PCDH9: variants seen among roughly 807,000 people sequenced by gnomAD.
The protein encoded by PCDH9 is protocadherin 9, also known as protocadherin-9.
In PCDH9, 24 loss-of-function variants were observed where a neutral mutation model predicts 70.6. The observed-to-expected ratio is 0.34, with a 90% CI of 0.25 to 0.48. PCDH9 has a LOEUF of 0.48. Among genes scored for constraint, PCDH9 ranks in the 20% least tolerant of loss-of-function variants. The pLI is 0.99. For synonymous variants in PCDH9, 562 were observed against 558.5 expected (o/e 1.01, Z -0.09); for missense variants, 1,281 against 1,503.6 (o/e 0.85, Z 2.45).
At chr13:66,352,263 C>G (rs928264400) in intron 4 of PCDH9, among the ~76,000 whole-genome samples, 1 of 150,724 alleles carries the variant, frequency 6.6e-6, no homozygotes, top group Non-Finnish European at 1.5e-5. Flanking sequence ...AAAGATACCT[C>G]TTTTGTTCCC....
chr13:66,990,065 A>G (rs895786589), intron 2 of PCDH9, among the ~76,000 whole-genome samples: 1 of 151,884 alleles, frequency 6.6e-6, no homozygotes, highest in East Asian at 1.9e-4. Flanking sequence ...GGAAGAAAAA[A>G]TGTTTTGGGT....
intron 2 of PCDH9, among the ~76,000 whole-genome samples, chr13:66,916,700 C>G (rs1371535506): frequency 1.3e-5 from 2 of 151,468 alleles, no homozygotes; most frequent in African/African-American, 4.8e-5. Context: ...CGAACTTTAC[C>G]AACCTGTACT....
intron 2 of PCDH9, chr13:66,978,373 G>A (rs2083664788): frequency 6.6e-6 from 1 of 151,660 alleles, no homozygotes; most frequent in Admixed American, 6.6e-5. Context: ...CCTTGCTTAG[G>A]ATTATCCATC....
At chr13:66,775,107 G>A (rs535232222) in intron 3 of PCDH9, among the ~76,000 whole-genome samples, 1 of 152,260 alleles carries the variant, frequency 6.6e-6, no homozygotes, top group East Asian at 1.9e-4. Flanking sequence ...AGGATTATGA[G>A]CTAACACAGT....
chr13:67,062,618 C>A (rs2085560816), intron 2 of PCDH9, among the ~76,000 whole-genome samples: 1 of 152,156 alleles, frequency 6.6e-6, no homozygotes, highest in Non-Finnish European at 1.5e-5. Flanking sequence ...TGTACAACAT[C>A]TGGAATACTG....
intron 4 of PCDH9, among the ~76,000 whole-genome samples, chr13:66,525,416 T>G (rs1960170956): frequency 6.6e-6 from 1 of 152,130 alleles, no homozygotes; most frequent in Non-Finnish European, 1.5e-5. Flanking sequence ...TCCTCTTTCC[T>G]TCCCAGGAAC....
At chr13:66,439,395 T>C (rs1243045329) in intron 4 of PCDH9, among the ~76,000 whole-genome samples, 1 of 152,224 alleles carries the variant, frequency 6.6e-6, no homozygotes, top group East Asian at 1.9e-4. Flanking sequence ...TTAAGAATAC[T>C]GTATTGTATA....
intron 2 of PCDH9, among the ~76,000 whole-genome samples, chr13:67,104,686 C>A (rs1294081265): frequency 6.6e-6 from 1 of 151,986 alleles, no homozygotes; most frequent in Non-Finnish European, 1.5e-5. Flanking sequence ...GTAGCTGGGA[C>A]TACAAGCGCC....
At chr13:66,606,660 C>A (rs868726330) in intron 4 of PCDH9, among the ~76,000 whole-genome samples, 1 of 152,012 alleles carries the variant, frequency 6.6e-6, no homozygotes, top group Non-Finnish European at 1.5e-5. Context: ...TGCTTTAGTA[C>A]GTCTCTCCTA....
chr13:66,721,220 A>G (rs1441576599), intron 3 of PCDH9, among the ~76,000 whole-genome samples: 2 of 152,206 alleles, frequency 1.3e-5, no homozygotes, highest in Non-Finnish European at 2.9e-5. Flanking sequence ...GATAAGGAAA[A>G]ACAATGTAAT....
chr13:66,823,068 T>C (rs953551835), intron 3 of PCDH9, among the ~76,000 whole-genome samples: 5 of 151,992 alleles, frequency 3.3e-5, no homozygotes, highest in African/African-American at 1.2e-4. Flanking sequence ...TTTAGAAAAA[T>C]AAGTGAAAAC....
chr13:66,672,035 G>A (rs1241490788), intron 3 of PCDH9, among the ~76,000 whole-genome samples: 8 of 152,248 alleles, frequency 5.3e-5, no homozygotes, highest in Non-Finnish European at 2.9e-5. Context: ...GGAGGTATGG[G>A]AGGAAAAAAA....
At chr13:66,890,270 T>G (rs1200255782) in intron 3 of PCDH9, among the ~76,000 whole-genome samples, 2 of 152,092 alleles carry the variant, frequency 1.3e-5, no homozygotes, top group Non-Finnish European at 2.9e-5. Context: ...GCTACACTTT[T>G]TAAAATGTCA....
intron 2 of PCDH9, among the ~76,000 whole-genome samples, chr13:67,117,713 A>G (rs970990525): frequency 4.6e-5 from 7 of 152,138 alleles, no homozygotes; most frequent in African/African-American, 1.7e-4. Context: ...ATAAATGTCC[A>G]ATTTCACAGA....
At chr13:66,632,276 G>C (rs2077581911) in intron 3 of PCDH9, among the ~76,000 whole-genome samples, 4 of 152,196 alleles carry the variant, frequency 2.6e-5, no homozygotes. Context: ...GTTATTATTT[G>C]AAGAGTCTCA....
intron 3 of PCDH9, among the ~76,000 whole-genome samples, chr13:66,858,818 A>G (rs1042161642): frequency 2.0e-5 from 3 of 151,920 alleles, no homozygotes; most frequent in African/African-American, 7.3e-5. Flanking sequence ...TTAGGTAACA[A>G]CTCCTCACAC....
intron 2 of PCDH9, among the ~76,000 whole-genome samples, chr13:67,119,331 G>T (rs1409725480): frequency 6.6e-6 from 1 of 151,778 alleles, no homozygotes; most frequent in Non-Finnish European, 1.5e-5. Context: ...ATAGCTGTTT[G>T]GATCAACACA....
intron 3 of PCDH9, among the ~76,000 whole-genome samples, chr13:66,887,063 A>G (rs988854274): frequency 6.6e-6 from 1 of 151,280 alleles, no homozygotes; most frequent in Non-Finnish European, 1.5e-5. Context: ...ACACACACAC[A>G]CACACACACA....
intron 2 of PCDH9, among the ~76,000 whole-genome samples, chr13:67,197,875 AT>A (rs1329506041): frequency 1.1e-4 from 17 of 151,852 alleles, no homozygotes; most frequent in Admixed American, 5.3e-4. Flanking sequence ...AATATTGATG[AT>A]TTATAAATGA....
Sources: gnomAD v4.1 joint callset for allele counts (sites outside exome capture counted in the v4.1 genomes callset) on GRCh38, gnomAD v4.1.1 for gene constraint, MANE v1.5 for transcripts, NCBI Gene and HGNC (gene_info 2026-07-23, HGNC 2026-07-21) for gene names.